Variants in SGCA observed in about 807,000 individuals in gnomAD.
The protein encoded by SGCA is alpha-sarcoglycan.
Under a neutral mutation model 38.1 loss-of-function variants are expected in SGCA, and 34 were observed. That is an observed-to-expected ratio of 0.89 (90% CI 0.68 to 1.19). The LOEUF is 1.19. Ranked by LOEUF, SGCA falls within the 50% of genes most tolerant of loss-of-function variation. The pLI is 0.00. For missense variants in SGCA, 476 were observed against 524.9 expected (o/e 0.91, Z 0.91); for synonymous variants, 209 against 214.6 (o/e 0.97, Z 0.23).
chr17:50,169,414 T>TACACACACACACACACACACAC (rs3138607), intron 6 of SGCA, 160 bp downstream of exon 6: 1 of 479,800 alleles, frequency 2.1e-6, no homozygotes, highest in Non-Finnish European at 3.7e-6. Context: ...AGTCTGAGGA[T>TACACACACACACACACACACAC]ACACACACAC....
Position 50,172,868 on chromosome 17 carries a change from C to G in SGCA, c.983+2202C>G, listed in dbSNP as rs551100374. Among the ~76,000 whole-genome samples the G allele has an allele frequency of 2.2e-4, 33 of 152,324 alleles. 1 individual carries two copies. In the South Asian group the frequency reaches 6.6e-3, roughly 31 times the overall value. ...CTTTCTATACAAAGCAGTTAAAAGG[C>G]TTTGCTTTTATTTTCTGTTTTCAAT... On this transcript the variant is annotated intron_variant, in intron 8 of 9. Coordinates refer to ENST00000262018, the MANE Select transcript of SGCA (RefSeq NM_000023.4).
intron 8 of SGCA, among the ~76,000 whole-genome samples, chr17:50,173,826 C>T (rs982833782): frequency 6.6e-5 from 10 of 152,216 alleles, no homozygotes; most frequent in African/African-American, 2.4e-4. Context: ...TGCTGGCCTC[C>T]CCGCAGGAGG....
chr17:50,166,258 C>T lies in SGCA; in HGVS notation c.37+181C>T, dbSNP rs372175922. The T allele has an allele frequency of 3.3e-5, 21 of 641,686 alleles. No homozygotes were observed. The African/African-American group carries it at 3.8e-4, about 12-fold the overall frequency. 39.7% of individuals were successfully genotyped at this position (641,686 alleles called of 1,614,324 possible). ...GGGATCCAGGGAATGGGGCTGGGAG[C>T]TGGGCTCTGGGATGAAGGGGCTGGG... On this transcript the variant is annotated intron_variant, in intron 1 of 9. Transcript: ENST00000262018.
chr17:50,167,602 A>G lies in SGCA; in HGVS notation c.178A>G (p.Ile60Val). ...EHVAVPPAVH[I>V]TYHAHLQGHP... ...ACCAGCTGTCCCACCCGCTGTCCAC[A>G]TCACCTACCACGCCCACCTCCAGGG... The change falls in exon 3 of 10, where the codon ATC (isoleucine) becomes GTC (valine). Residue 60 changes from isoleucine to valine, a missense_variant. Transcript: ENST00000262018. The surrounding 1 kb of genome is among the most constrained non-coding windows in gnomAD (Gnocchi z 4.5). 6.2e-7 allele frequency: 1 copy of G among 1,613,482 alleles called. No individual in the cohort carries two copies.
Position 50,167,457 on chromosome 17 carries a change from G to T in SGCA, c.127G>T (p.Glu43Ter). Reference sequence around the variant, plus strand: ...TGTCTTTGTGCACACCTTGGACCATGAGACGTTTCTGAGCCTTCCTGAGCA... The same window carrying T: ...TGTCTTTGTGCACACCTTGGACCATTAGACGTTTCTGAGCCTTCCTGAGCA... ...GRVFVHTLDH[E>*]TFLSLPEHVA... The change falls in exon 2 of 10, where the codon GAG becomes TAG. Residue 43 changes from glutamate (E) to a stop codon, truncating the protein, a stop_gained. Coordinates refer to ENST00000262018, the MANE Select transcript of SGCA (RefSeq NM_000023.4). LOFTEE classifies it high-confidence loss of function. This position sits in a 1 kb window ranked among gnomAD's most constrained non-coding sequence, Gnocchi z 4.5. 6.2e-7 allele frequency: 1 copy of T among 1,614,178 alleles called. No individual in the cohort carries two copies. Among genetic ancestry groups the T allele is most frequent in the Non-Finnish European group, 8.5e-7 (1 of 1,180,030 alleles).
Position 50,170,337 on chromosome 17 carries a change from C to T in SGCA, c.942C>T (p.Cys314=), listed in dbSNP as rs1905271533. The change falls in exon 7 of 10, where the codon TGC becomes TGT. Residue 314 remains cysteine, a synonymous_variant. Transcript: ENST00000262018. The stretch of plus-strand genomic sequence containing the variant: ...TGCTGCTGGCCTATGTCATGTGCTG[C>T]CGGCGGGAGGGAAGGTGAATGTGGG... The part of the protein sequence containing the change: ...LTLLLAYVMC[C]RREGRLKRDL... 1.9e-6 allele frequency: 3 copies of T among 1,613,408 alleles called. No homozygotes were observed. The highest frequency in any genetic ancestry group is 8.5e-7 in the Non-Finnish European group (1 of 1,179,496).
chr17:50,172,216 G>A (rs537461193), intron 8 of SGCA: 80 of 456,964 alleles, frequency 1.8e-4, no homozygotes, highest in African/African-American at 1.3e-3. Context: ...GGTCACCCAC[G>A]GCTGGCCTCC....
intron 6 of SGCA, chr17:50,169,767 A>G: frequency 2.5e-6 from 1 of 394,666 alleles, no homozygotes; most frequent in East Asian, 5.8e-5. Flanking sequence ...GAATTGACCA[A>G]CAGAGCAGGG....
At position 50,170,297 on chromosome 17, in the gene SGCA, C is replaced by T; in HGVS notation, c.902C>T (p.Ala301Val). The change falls in exon 7 of 10, where the codon GCC becomes GTC. Residue 301 changes from alanine (A) to valine (V), a missense_variant. By Grantham distance (64) the Ala-to-Val change is moderately conservative. Coordinates refer to ENST00000262018, the MANE Select transcript of SGCA (RefSeq NM_000023.4). ...ACCCTCCTGGTGCCCCTGCTGGTGGCCCTGCTTCTCACCTTGCTGCTGGCC... is the reference window on the plus strand; with the variant it reads ...ACCCTCCTGGTGCCCCTGCTGGTGGTCCTGCTTCTCACCTTGCTGCTGGCC... ...LVTLLVPLLV[A>V]LLLTLLLAYV... 1 of 1,614,204 alleles carries T rather than the reference C, an allele frequency of 6.2e-7. No homozygotes were observed. Among genetic ancestry groups the T allele is most frequent in the Non-Finnish European group, 8.5e-7 (1 of 1,180,026 alleles).
chr17:50,168,160 G>T, intron 4 of SGCA, 141 bp downstream of exon 4: 1 of 879,230 alleles, frequency 1.1e-6, no homozygotes, highest in Admixed American at 2.0e-5. Flanking sequence ...AAGGCTCTCA[G>T]GGAATGGGTG....
rs1419270654 is a variant in SGCA, at chr17:50,175,729, C to G, written c.*30C>G. 3.3e-6 allele frequency: 2 copies of G among 611,816 alleles called. No homozygotes were observed. Among genetic ancestry groups the G allele is most frequent in the Non-Finnish European group, 6.1e-6 (2 of 326,900 alleles). 37.9% of individuals were successfully genotyped at this position (611,816 alleles called of 1,614,324 possible). A position where few individuals can be genotyped will look rare whatever the true frequency, so the allele number is the denominator to read the frequency against. On this transcript the variant is annotated 3_prime_UTR_variant, in exon 10 of 10. Coordinates refer to ENST00000262018, the MANE Select transcript of SGCA (RefSeq NM_000023.4). ...TCCCACAGTGGTTCCAGGTCCAGCC[C>G]TGACTTCATCCTCCCTTCTCTGTCC...
chr17:50,166,954 C>T (rs1258037571), intron 1 of SGCA, among the ~76,000 whole-genome samples: 4 of 132,868 alleles, frequency 3.0e-5, no homozygotes, highest in Non-Finnish European at 6.5e-5. Context: ...CACACACACC[C>T]TCTCACACAC....
chr17:50,174,721 G>GACAC (rs1905780521), intron 8 of SGCA, among the ~76,000 whole-genome samples: 1 of 152,104 alleles, frequency 6.6e-6, no homozygotes, highest in Admixed American at 6.5e-5. Context: ...ACTTGCCCAA[G>GACAC]ACACACAGCC....
In SGCA at chr17:50,175,385, T is replaced by A; in HGVS notation, c.1112T>A (p.Leu371Gln). The change falls in exon 9 of 10, where the codon CTG becomes CAG. Residue 371 changes from leucine (L) to glutamine (Q), a missense_variant. Transcript: ENST00000262018. ...TTCAATGTGCACACAGGTGAGCGGC[T>A]GCCTCCCCGCGTGGACAGCGCCCAG... ...PMFNVHTGER[L>Q]PPRVDSAQVP... 1 of 1,613,110 alleles carries A rather than the reference T, an allele frequency of 6.2e-7. No individual in the cohort carries two copies. Among genetic ancestry groups the A allele is most frequent in the South Asian group, 1.1e-5 (1 of 91,046 alleles).
intron 8 of SGCA, among the ~76,000 whole-genome samples, chr17:50,173,413 G>A (rs1905631521): frequency 7.0e-6 from 1 of 143,364 alleles, no homozygotes; most frequent in Non-Finnish European, 1.5e-5. Flanking sequence ...GTGTGTGTCT[G>A]TGCGTGTGCC....
Position 50,170,623 on chromosome 17 carries a change from C to T in SGCA, c.957-17C>T, listed in dbSNP as rs757226910. The T allele has an allele frequency of 1.8e-5, 28 of 1,559,012 alleles. No homozygotes were observed. Among genetic ancestry groups the T allele is most frequent in the Non-Finnish European group, 2.3e-5 (27 of 1,150,304 alleles). Reference sequence around the variant, plus strand: ...AAACCCAGAGCTGGGCTAACCCTCTCCTTCACTTTTCCACAGGCTGAAGAG... The same window carrying T: ...AAACCCAGAGCTGGGCTAACCCTCTTCTTCACTTTTCCACAGGCTGAAGAG... On this transcript the variant is annotated splice_polypyrimidine_tract_variant and intron_variant, in intron 7 of 9. Coordinates refer to ENST00000262018, the MANE Select transcript of SGCA (RefSeq NM_000023.4).
Position 50,168,422 on chromosome 17 carries a change from C to T in SGCA, c.434C>T (p.Ala145Val), listed in dbSNP as rs372046855. 15 of 1,591,140 alleles carry T rather than the reference C, an allele frequency of 9.4e-6. No individual in the cohort carries two copies. Among genetic ancestry groups the T allele is most frequent in the African/African-American group, 2.7e-5 (2 of 74,622 alleles). Reference protein sequence around the residue: ...QAEFLVRSHDAEEVLPSTPAS... With the variant: ...QAEFLVRSHDVEEVLPSTPAS... ...GAGTTCCTGGTGCGCAGCCACGATG[C>T]GGAGGAGGTGCTGCCCTCAACACCT... The change falls in exon 5 of 10, where the codon GCG becomes GTG. Residue 145 changes from alanine (A) to valine (V), a missense_variant. Ala to Val is a moderately conservative substitution (Grantham distance 64, BLOSUM62 0). Coordinates refer to ENST00000262018, the MANE Select transcript of SGCA (RefSeq NM_000023.4).
chr17:50,168,969 G>A lies in SGCA; in HGVS notation c.585-123G>A, dbSNP rs114123806. 1.4e-3 allele frequency: 1,234 copies of A among 879,340 alleles called. 9 individuals carry two copies. Among genetic ancestry groups the A allele is most frequent in the Non-Finnish European group, 1.9e-4 (99 of 528,132 alleles). The allele number at this position is 879,340 out of a possible 1,614,324, so 54.5% of individuals were successfully genotyped here. On this transcript the variant is annotated intron_variant, in intron 5 of 9. Transcript: ENST00000262018. ...CCTCCCTTAATCCTCCCTCTTAGGC[G>A]TCTCCCTCATCCCATCCCCAGGTCA...
intron 1 of SGCA, 117 bp downstream of exon 1, chr17:50,166,194 G>T: frequency 1.2e-6 from 1 of 843,128 alleles, no homozygotes; most frequent in Non-Finnish European, 2.0e-6. Context: ...TGAGGCAGGC[G>T]CCAGAAGGGC....
Sources: gnomAD v4.1 joint callset for allele counts (sites outside exome capture counted in the v4.1 genomes callset) on GRCh38, gnomAD v4.1.1 for gene constraint, Gnocchi (gnomAD v3.1) non-coding constraint, MANE v1.5 for transcripts, NCBI Gene and HGNC (gene_info 2026-07-23, HGNC 2026-07-21) for gene names.